The following LOXHD1 variants were observed in gnomAD, a reference collection of about 807,000 sequenced individuals.
LOXHD1 encodes lipoxygenase homology domain-containing protein 1.
In LOXHD1, 205 loss-of-function variants were observed where a neutral mutation model predicts 248.2. That is an observed-to-expected ratio of 0.83 (90% CI 0.74 to 0.93). The LOEUF is 0.93. LOXHD1 is among the 40% of genes least tolerant of loss of function. LOXHD1 has a pLI of 0.00. For synonymous variants in LOXHD1, 1,113 were observed against 1,162.8 expected (o/e 0.96, Z 0.87); for missense variants, 2,930 against 2,971.6 (o/e 0.99, Z 0.33).
chr18:46,534,190 T>G, intron 27 of LOXHD1, 145 bp downstream of exon 27: 1 of 600,288 alleles, frequency 1.7e-6, no homozygotes, highest in Non-Finnish European at 2.9e-6. Flanking sequence ...GTTTCTGCAC[T>G]CTGAGTGAAC....
intron 12 of LOXHD1, among the ~76,000 whole-genome samples, chr18:46,580,909 G>C (rs1375251409): frequency 6.6e-6 from 1 of 152,210 alleles, no homozygotes; most frequent in Admixed American, 6.5e-5. Flanking sequence ...AATATGGCTG[G>C]AGTAGAAGGA....
chr18:46,618,314 C>T (rs1174378797), intron 4 of LOXHD1, 24 bp from the exon 5 acceptor site: 1 of 1,495,902 alleles, frequency 6.7e-7, no homozygotes, highest in East Asian at 2.5e-5. Flanking sequence ...GAGAGAAAAA[C>T]CTTAGCTCAT....
At chr18:46,585,762 A>G (rs1395501468) in intron 12 of LOXHD1, among the ~76,000 whole-genome samples, 1 of 152,192 alleles carries the variant, frequency 6.6e-6, no homozygotes, top group Non-Finnish European at 1.5e-5. Context: ...ATCAAGGAGA[A>G]GAACAAGTGT....
At chr18:46,560,990 T>C (rs1437596776) in intron 18 of LOXHD1, among the ~76,000 whole-genome samples, 1 of 152,246 alleles carries the variant, frequency 6.6e-6, no homozygotes, top group Non-Finnish European at 1.5e-5. Flanking sequence ...TTCATCACTT[T>C]TTTTAACTTT....
chr18:46,560,864 G>A (rs952031257), intron 18 of LOXHD1, among the ~76,000 whole-genome samples: 5 of 151,724 alleles, frequency 3.3e-5, no homozygotes, highest in South Asian at 2.1e-4. Flanking sequence ...GCGCGCGCGC[G>A]CGCCTCATTC....
chr18:46,656,785 A>T lies in LOXHD1; in HGVS notation c.130+119T>A, dbSNP rs1334504252. ...AGGGGATATGGAACAGACACATGGG[A>T]TAATCAGTGAGGAAGGGCTTGCTCC... is the stretch of plus-strand genomic sequence containing the variant. On this transcript the variant is annotated intron_variant, in intron 1 of 40. Transcript: ENST00000642948. 196 of 1,147,352 alleles carry T rather than the reference A, an allele frequency of 1.7e-4. 1 individual carries two copies. In the East Asian group the frequency reaches 5.0e-3, roughly 29 times the overall value. The allele number at this position is 1,147,352 out of a possible 1,614,324, so 71.1% of individuals were successfully genotyped here.
intron 25 of LOXHD1, among the ~76,000 whole-genome samples, chr18:46,538,956 T>C (rs4890330): frequency 0.3 from 45,496 of 152,032 alleles, 7,704 homozygotes; most frequent in East Asian, 0.4. Flanking sequence ...ACACATCTTT[T>C]ATAGGGGAGA....
In LOXHD1 at chr18:46,604,178, G is replaced by A. The variant is rs727503151; in HGVS notation, c.811C>T (p.Arg271Cys). 2.6e-5 allele frequency: 40 copies of A among 1,551,616 alleles called. No homozygotes were observed. The African/African-American group carries it at 3.7e-4, about 14-fold the overall frequency. Residue 271 changes from arginine to cysteine, a missense_variant, in exon 7 of 41, where the codon CGC becomes TGC. Physicochemically the swap from Arg to Cys is radical, Grantham distance 180. Coordinates refer to ENST00000642948, the MANE Select transcript of LOXHD1 (RefSeq NM_001384474.1). Reference sequence around the variant, plus strand: ...TCGTCTTCGTCCAAGGCCAGCCAGCGGTTAAGGGGGAAGTCATATTTTCTT... The same window carrying A: ...TCGTCTTCGTCCAAGGCCAGCCAGCAGTTAAGGGGGAAGTCATATTTTCTT... The part of the protein sequence containing the change: ...NKRKYDFPLN[R>C]WLALDEDDGK...
At chr18:46,585,077 A>C (rs2144183829) in intron 12 of LOXHD1, among the ~76,000 whole-genome samples, 1 of 152,284 alleles carries the variant, frequency 6.6e-6, no homozygotes, top group South Asian at 2.1e-4. Context: ...TCAACCCATA[A>C]ACGTTAGCTA....
chr18:46,485,271 G>C (rs563628298), intron 38 of LOXHD1, 120 bp from the exon 39 acceptor site: 11 of 1,134,738 alleles, frequency 9.7e-6, no homozygotes, highest in East Asian at 2.6e-5. Context: ...GCCTGGGGGT[G>C]GGGGAGGCAG....
At chr18:46,639,886 A>T (rs1040897311) in intron 3 of LOXHD1, 86 bp from the exon 4 acceptor site, 21 of 1,453,336 alleles carry the variant, frequency 1.4e-5, no homozygotes, top group Non-Finnish European at 1.9e-5. Context: ...TGTTTACTCC[A>T]AAGAGAGGTC....
chr18:46,632,184 G>A (rs968195140), intron 4 of LOXHD1, among the ~76,000 whole-genome samples: 2 of 152,208 alleles, frequency 1.3e-5, no homozygotes, highest in African/African-American at 4.8e-5. Flanking sequence ...TGCACACAAA[G>A]ACACAAGGCT....
At position 46,560,596 on chromosome 18, in the gene LOXHD1, C is replaced by T. The variant is rs531949448; in HGVS notation, c.2599-51G>A. On this transcript the variant is annotated intron_variant, in intron 18 of 40. Transcript: ENST00000642948. Reference sequence around the variant, plus strand: ...GTCGTGGCCCCAGCGTCCTCCCCAACGCCCCCAACACCCCCGCCCAACAAA... The same window carrying T: ...GTCGTGGCCCCAGCGTCCTCCCCAATGCCCCCAACACCCCCGCCCAACAAA... 996 of 1,455,446 alleles carry T rather than the reference C, an allele frequency of 6.8e-4. 1 individual carries two copies. The highest frequency in any genetic ancestry group is 7.9e-4 in the Non-Finnish European group (865 of 1,095,688). The allele number at this position is 1,455,446 out of a possible 1,614,324, so 90.2% of individuals were successfully genotyped here.
At chr18:46,478,006 G>C (rs1052790831) in intron 40 of LOXHD1, 54 bp from the exon 41 acceptor site, 1 of 1,507,498 alleles carries the variant, frequency 6.6e-7, no homozygotes, top group Non-Finnish European at 8.9e-7. Flanking sequence ...CCCCAGCCGA[G>C]GCTGCTCCCT....
Position 46,509,696 on chromosome 18 carries a change from A to G in LOXHD1, c.5517+2T>C. 2 of 1,548,226 alleles carry G rather than the reference A, an allele frequency of 1.3e-6. No homozygotes were observed. The highest frequency in any genetic ancestry group is 1.4e-5 in the African/African-American group (1 of 72,980). On this transcript the variant is annotated splice_donor_variant, in intron 35 of 40. Transcript: ENST00000642948. LOFTEE classifies it high-confidence loss of function. The stretch of plus-strand genomic sequence containing the variant: ...GGAAGAGTGAGGGTCTAGACATTTT[A>G]CCCTCTCCAGGAACCACTCCGGCCG...
intron 28 of LOXHD1, among the ~76,000 whole-genome samples, chr18:46,532,386 AGTGT>A (rs1463758349): frequency 6.6e-6 from 1 of 152,166 alleles, no homozygotes; most frequent in Non-Finnish European, 1.5e-5. Context: ...TTCTGGGAAA[AGTGT>A]GCGTGTGTGT....
chr18:46,652,884 T>G lies in LOXHD1; in HGVS notation c.131-3615A>C, dbSNP rs540723862. 7.8e-4 allele frequency among the ~76,000 whole-genome samples: 119 copies of G among 152,318 alleles called. 1 individual carries two copies. Among genetic ancestry groups the G allele is most frequent in the African/African-American group, 2.7e-3 (114 of 41,566 alleles). On this transcript the variant is annotated intron_variant, in intron 1 of 40. Coordinates refer to ENST00000642948, the MANE Select transcript of LOXHD1 (RefSeq NM_001384474.1). The stretch of plus-strand genomic sequence containing the variant: ...AACAAACTATATATTGTGTCACACG[T>G]GGATAAATCAGATATAACGCTGAAA...
At position 46,560,496 on chromosome 18, in the gene LOXHD1, G is replaced by A. The variant is rs186315227; in HGVS notation, c.2648C>T (p.Thr883Met). The stretch of plus-strand genomic sequence containing the variant: ...CCAGCTGGGCCCAAAGCCCTCGCCC[G>A]TGTGCCCGAGCCGGAGCTTATAGAC... ...GEVYKLRLGH[T>M]GEGFGPSWFV... Residue 883 changes from threonine (T) to methionine (M), a missense_variant, in exon 19 of 41, where the codon ACG becomes ATG. Transcript: ENST00000642948. 331 of 1,537,796 alleles carry A rather than the reference G, an allele frequency of 2.2e-4. 2 individuals carry two copies. The East Asian group carries it at 7.9e-3, about 36-fold the overall frequency.
chr18:46,533,445 T>A, intron 27 of LOXHD1, 121 bp from the exon 28 acceptor site: 1 of 1,044,354 alleles, frequency 9.6e-7, no homozygotes, highest in Non-Finnish European at 1.4e-6. Context: ...ATAAATAATG[T>A]AAAAGCCACA....
Sources: allele counts gnomAD v4.1 joint callset (sites outside exome capture counted in the v4.1 genomes callset), GRCh38; gene constraint gnomAD v4.1.1; transcripts MANE v1.5; gene names NCBI Gene and HGNC (gene_info 2026-07-23, HGNC 2026-07-21).